Variants in KCNQ1 observed in about 807,000 individuals in gnomAD.
The protein encoded by KCNQ1 is potassium voltage-gated channel subfamily Q member 1, also known as potassium voltage-gated channel subfamily KQT member 1.
Under a neutral mutation model 72.4 loss-of-function variants are expected in KCNQ1, and 49 were observed. The ratio of observed to expected loss-of-function variants is 0.68; its 90% CI spans 0.54 to 0.86. KCNQ1 has a LOEUF of 0.86. KCNQ1 is among the 40% of genes least tolerant of loss of function. The pLI is 0.00. For synonymous variants in KCNQ1, 450 were observed against 412.6 expected (o/e 1.09, Z -1.10); for missense variants, 790 against 945.1 (o/e 0.84, Z 2.15).
Position 2,674,706 on chromosome 11 carries a change from A to C in KCNQ1, c.1514+12625A>C. The C allele has an allele frequency of 5.0e-6, 2 of 396,882 alleles. No homozygotes were observed. The highest frequency in any genetic ancestry group is 4.4e-6 in the Non-Finnish European group (1 of 225,668). 24.6% of individuals were successfully genotyped at this position (396,882 alleles called of 1,614,324 possible). A position where few individuals can be genotyped will look rare whatever the true frequency, so the allele number is the denominator to read the frequency against. ...GTTGAACCTTAAACCTTTCCTGATG[A>C]CTCCTTCCTTCTGAACTTAACTCGT... On this transcript the variant is annotated intron_variant, in intron 11 of 15. Coordinates refer to ENST00000155840, the MANE Select transcript of KCNQ1 (RefSeq NM_000218.3). This position sits in a 1 kb window ranked among gnomAD's most constrained non-coding sequence, Gnocchi z 5.9.
At chr11:2,716,796 G>A (rs1188382846) in intron 11 of KCNQ1, among the ~76,000 whole-genome samples, 1 of 152,224 alleles carries the variant, frequency 6.6e-6, no homozygotes, top group Non-Finnish European at 1.5e-5. Flanking sequence ...CTGGTGTTCT[G>A]GATCCAAAGC....
chr11:2,452,447 G>A (rs1417363613), intron 1 of KCNQ1, among the ~76,000 whole-genome samples: 3 of 152,178 alleles, frequency 2.0e-5, no homozygotes, highest in Non-Finnish European at 2.9e-5. Flanking sequence ...GCAGCTTAGA[G>A]GAGGGAGCAG....
At position 2,445,257 on chromosome 11, in the gene KCNQ1, C is replaced by T. The variant is rs1057520456; in HGVS notation, c.159C>T (p.Pro53=). Residue 53 remains proline (P), a synonymous_variant, in exon 1 of 16, where the codon CCC becomes CCT. Coordinates refer to ENST00000155840, the MANE Select transcript of KCNQ1 (RefSeq NM_000218.3). ...GGPAGGALYA[P]IAPGAPGPAP... Reference sequence around the variant, plus strand: ...CGGCGGGCGGCGCGCTCTACGCGCCCATCGCGCCCGGCGCCCCAGGTCCCG... The same window carrying T: ...CGGCGGGCGGCGCGCTCTACGCGCCTATCGCGCCCGGCGCCCCAGGTCCCG... The T allele has an allele frequency of 4.3e-5, 52 of 1,210,192 alleles. No homozygotes were observed. In the South Asian group the frequency reaches 1.7e-3, roughly 40 times the overall value. The allele number at this position is 1,210,192 out of a possible 1,614,324, so 75.0% of individuals were successfully genotyped here.
rs1848217897 is a variant in KCNQ1 at position 2,564,420 on chromosome 11, C to T, written c.478-6208C>T. ...ACCAGCCTGGCCAACATGGTGAAAC[C>T]TTGTCTCTACTAATAATACAAAAAG... On this transcript the variant is annotated intron_variant, in intron 2 of 15. Transcript: ENST00000155840. The surrounding 1 kb of genome is among the most constrained non-coding windows in gnomAD (Gnocchi z 4.5). Among the ~76,000 whole-genome samples, 1 of 152,138 alleles carries T rather than the reference C, an allele frequency of 6.6e-6. No individual in the cohort carries two copies. The highest frequency in any genetic ancestry group is 1.5e-5 in the Non-Finnish European group (1 of 68,024).
At position 2,450,153 on chromosome 11, in the gene KCNQ1, G is replaced by A. The variant is rs1040876685; in HGVS notation, c.386+4669G>A. 2.0e-5 allele frequency among the ~76,000 whole-genome samples: 3 copies of A among 152,156 alleles called. No homozygotes were observed. The highest frequency in any genetic ancestry group is 4.4e-5 in the Non-Finnish European group (3 of 68,024). ...TTCCAAACTGGCTTTTGGCCCCTGCGATATCTTGCTGTGATTCAAGACTCT... is the reference window on the plus strand; with the variant it reads ...TTCCAAACTGGCTTTTGGCCCCTGCAATATCTTGCTGTGATTCAAGACTCT... On this transcript the variant is annotated intron_variant, in intron 1 of 15. Transcript: ENST00000155840. The surrounding 1 kb of genome is among the most constrained non-coding windows in gnomAD (Gnocchi z 7.9).
At position 2,446,016 on chromosome 11, in the gene KCNQ1, T is replaced by C. The variant is rs1846031612; in HGVS notation, c.386+532T>C. On this transcript the variant is annotated intron_variant, in intron 1 of 15. Transcript: ENST00000155840. The surrounding 1 kb of genome is among the most constrained non-coding windows in gnomAD (Gnocchi z 8.8). ...TGAGGGCTCAGCATGCCACGGGCCG[T>C]CCCCACGGGCCCCACATTAACTAAT... 6.6e-6 allele frequency among the ~76,000 whole-genome samples: 1 copy of C among 151,730 alleles called. No individual in the cohort carries two copies. Among genetic ancestry groups the C allele is most frequent in the South Asian group, 2.1e-4 (1 of 4,810 alleles).
Position 2,564,051 on chromosome 11 carries a change from C to T in KCNQ1, c.478-6577C>T, listed in dbSNP as rs879792491. Among the ~76,000 whole-genome samples, 6 of 152,184 alleles carry T rather than the reference C, an allele frequency of 3.9e-5. No individual in the cohort carries two copies. The highest frequency in any genetic ancestry group is 2.0e-4 in the Admixed American group (3 of 15,302). On this transcript the variant is annotated intron_variant, in intron 2 of 15. Transcript: ENST00000155840. This position sits in a 1 kb window ranked among gnomAD's most constrained non-coding sequence, Gnocchi z 4.5. Reference sequence around the variant, plus strand: ...CGGGAGCCCAGGTGAGCAACCGCCACGGGCCAGGGCCCCTCGAGGCACTCA... The same window carrying T: ...CGGGAGCCCAGGTGAGCAACCGCCATGGGCCAGGGCCCCTCGAGGCACTCA...
intron 1 of KCNQ1, among the ~76,000 whole-genome samples, chr11:2,506,568 G>A (rs747728251): frequency 9.2e-5 from 14 of 152,190 alleles, no homozygotes; most frequent in African/African-American, 3.1e-4. Context: ...GAATAACTTC[G>A]TAGGTATGGA....
chr11:2,744,885 T>A (rs1846113931), intron 11 of KCNQ1, among the ~76,000 whole-genome samples: 1 of 152,154 alleles, frequency 6.6e-6, no homozygotes, highest in African/African-American at 2.4e-5. Context: ...CCACCTGCCC[T>A]GCAGCCATTC....
chr11:2,640,143 C>T (rs1849549720), intron 10 of KCNQ1: 2 of 352,712 alleles, frequency 5.7e-6, no homozygotes, highest in Non-Finnish European at 1.0e-5. Flanking sequence ...TTCCCTGACC[C>T]CTTGTGCTTC....
At chr11:2,512,643 C>G (rs966060486) in intron 1 of KCNQ1, among the ~76,000 whole-genome samples, 1 of 152,210 alleles carries the variant, frequency 6.6e-6, no homozygotes, top group Non-Finnish European at 1.5e-5. Context: ...CAGGGATGTC[C>G]GTGCCTTGGG....
At position 2,827,431 on chromosome 11, in the gene KCNQ1, A is replaced by G. The variant is rs1221282739; in HGVS notation, c.1795-20336A>G. Reference sequence around the variant, plus strand: ...ACCATCACATCTGCATTCCAGCAGCAGGAGGGAGGTAAAAGACATGAAGGA... The same window carrying G: ...ACCATCACATCTGCATTCCAGCAGCGGGAGGGAGGTAAAAGACATGAAGGA... On this transcript the variant is annotated intron_variant, in intron 15 of 15. Coordinates refer to ENST00000155840, the MANE Select transcript of KCNQ1 (RefSeq NM_000218.3). The surrounding 1 kb of genome is among the most constrained non-coding windows in gnomAD (Gnocchi z 6.7). Among the ~76,000 whole-genome samples the G allele has an allele frequency of 6.6e-6, 1 of 152,112 alleles. No individual in the cohort carries two copies. The highest frequency in any genetic ancestry group is 2.4e-5 in the African/African-American group (1 of 41,410).
chr11:2,674,831 TTAAAAA>T lies in KCNQ1; in HGVS notation c.1514+12751_1514+12756del, dbSNP rs1184075461. On this transcript the variant is annotated intron_variant, in intron 11 of 15. Coordinates refer to ENST00000155840, the MANE Select transcript of KCNQ1 (RefSeq NM_000218.3). This position sits in a 1 kb window ranked among gnomAD's most constrained non-coding sequence, Gnocchi z 5.9. ...GGCTTGTCACCCTAATAGCTGTTTT[TTAAAAA>T]AAAAAAAAAAAAAAAAAAAAAAAGC... 3.5e-5 allele frequency: 13 copies of T among 367,962 alleles called. No individual in the cohort carries two copies. The highest frequency in any genetic ancestry group is 2.1e-4 in the African/African-American group (8 of 38,652). The allele number at this position is 367,962 out of a possible 1,614,324, so 22.8% of individuals were successfully genotyped here.
chr11:2,648,799 A>G, intron 10 of KCNQ1: 2 of 398,506 alleles, frequency 5.0e-6, no homozygotes, highest in Admixed American at 8.8e-5. Context: ...AATGCTGAGT[A>G]TGAAATGTTG....
rs1849996812 is a variant in KCNQ1 at position 2,663,026 on chromosome 11, G to C, written c.1514+945G>C. ...AATCACTGAGGAAATCGGGACCCAT[G>C]GTGCTGGGGGCTGCAGGTGTAACCA... On this transcript the variant is annotated intron_variant, in intron 11 of 15. Coordinates refer to ENST00000155840, the MANE Select transcript of KCNQ1 (RefSeq NM_000218.3). This position sits in a 1 kb window ranked among gnomAD's most constrained non-coding sequence, Gnocchi z 5.2. The C allele has an allele frequency of 2.5e-6, 1 of 398,718 alleles. No individual in the cohort carries two copies. The allele number at this position is 398,718 out of a possible 1,614,324, so 24.7% of individuals were successfully genotyped here. A position where few individuals can be genotyped will look rare whatever the true frequency, so the allele number is the denominator to read the frequency against.
chr11:2,617,511 C>T lies in KCNQ1; in HGVS notation c.1393+28657C>T, dbSNP rs1849086360. 2.5e-6 allele frequency: 1 copy of T among 398,354 alleles called. No homozygotes were observed. The highest frequency in any genetic ancestry group is 3.6e-5 in the East Asian group (1 of 28,062). 24.7% of individuals were successfully genotyped at this position (398,354 alleles called of 1,614,324 possible). A position where few individuals can be genotyped will look rare whatever the true frequency, so the allele number is the denominator to read the frequency against. On this transcript the variant is annotated intron_variant, in intron 10 of 15. Transcript: ENST00000155840. This position sits in a 1 kb window ranked among gnomAD's most constrained non-coding sequence, Gnocchi z 4.6. The stretch of plus-strand genomic sequence containing the variant: ...CATATCGTGACTCATGCATATAATG[C>T]CACAATGAATATAGGAGCGCAGATA...
chr11:2,795,457 C>T (rs970212821), intron 15 of KCNQ1, among the ~76,000 whole-genome samples: 2 of 152,264 alleles, frequency 1.3e-5, no homozygotes, highest in African/African-American at 4.8e-5. Context: ...CTCCTCCAAA[C>T]TGACACCCAG....
At chr11:2,729,008 G>A (rs1336817244) in intron 11 of KCNQ1, among the ~76,000 whole-genome samples, 1 of 152,236 alleles carries the variant, frequency 6.6e-6, no homozygotes, top group East Asian at 1.9e-4. Context: ...AGGGGCTGTT[G>A]TGCATGCAGG....
At chr11:2,452,414 G>C (rs552719541) in intron 1 of KCNQ1, among the ~76,000 whole-genome samples, 4 of 152,170 alleles carry the variant, frequency 2.6e-5, no homozygotes, top group African/African-American at 9.7e-5. Flanking sequence ...CTGTGTCCTC[G>C]ACTTCCACGC....
Sources: gnomAD v4.1 joint callset for allele counts (sites outside exome capture counted in the v4.1 genomes callset) on GRCh38, gnomAD v4.1.1 for gene constraint, Gnocchi (gnomAD v3.1) non-coding constraint, MANE v1.5 for transcripts, NCBI Gene and HGNC (gene_info 2026-07-23, HGNC 2026-07-21) for gene names.